Variants in PCSK2 observed in about 807,000 individuals in gnomAD.
PCSK2 encodes the protein neuroendocrine convertase 2.
PCSK2 carries 14 observed loss-of-function variants against 69.7 expected under a neutral mutation model. The ratio of observed to expected loss-of-function variants is 0.20; its 90% CI spans 0.13 to 0.31. The LOEUF is 0.31. PCSK2 is among the 10% of genes least tolerant of loss of function. PCSK2 has a pLI of 1.00. For synonymous variants in PCSK2, 307 were observed against 320.7 expected, an observed-to-expected ratio of 0.96 and a Z score of 0.46; for missense variants, 544 against 842.5, an observed-to-expected ratio of 0.65 and a Z score of 4.39.
intron 10 of PCSK2, among the ~76,000 whole-genome samples, chr20:17,458,310 G>A (rs2032957988): frequency 6.6e-6 from 1 of 152,120 alleles, no homozygotes. Flanking sequence ...AGTTAGGGAT[G>A]GGGAAGAATC....
chr20:17,426,868 C>G (rs144575527), intron 6 of PCSK2, among the ~76,000 whole-genome samples: 1,796 of 152,312 alleles, frequency 0.012, 16 homozygotes, highest in Non-Finnish European at 0.018. Flanking sequence ...GAGTCTCATC[C>G]AAAATACCCT....
intron 1 of PCSK2, among the ~76,000 whole-genome samples, chr20:17,236,349 T>C (rs894838859): frequency 6.6e-6 from 1 of 152,126 alleles, no homozygotes; most frequent in Admixed American, 6.5e-5. Flanking sequence ...GTCTCATATT[T>C]AGGAGTTTGT....
chr20:17,245,495 A>G (rs1260290824), intron 1 of PCSK2, among the ~76,000 whole-genome samples: 1 of 152,184 alleles, frequency 6.6e-6, no homozygotes, highest in Non-Finnish European at 1.5e-5. Flanking sequence ...TCCTTTATTT[A>G]GAAATAACTC....
At chr20:17,252,018 T>C (rs1987001483) in intron 1 of PCSK2, among the ~76,000 whole-genome samples, 1 of 152,270 alleles carries the variant, frequency 6.6e-6, no homozygotes, top group East Asian at 1.9e-4. Context: ...CTGAGAGGAG[T>C]TGGACTTCTT....
At chr20:17,245,939 A>G (rs1236115584) in intron 1 of PCSK2, among the ~76,000 whole-genome samples, 2 of 152,134 alleles carry the variant, frequency 1.3e-5, no homozygotes, top group Admixed American at 6.5e-5. Context: ...GACCCCCAAT[A>G]TATTAAATGT....
intron 2 of PCSK2, among the ~76,000 whole-genome samples, chr20:17,273,611 T>C (rs1282525126): frequency 6.6e-6 from 1 of 152,194 alleles, no homozygotes; most frequent in Admixed American, 6.6e-5. Context: ...ATGAAAAATA[T>C]GGGTGTGAAT....
intron 5 of PCSK2, among the ~76,000 whole-genome samples, chr20:17,370,233 T>A (rs2030717902): frequency 6.6e-6 from 1 of 152,200 alleles, no homozygotes. Context: ...AAGAGACTCA[T>A]ATTTAGAGAA....
In PCSK2 at chr20:17,465,495, G is replaced by A; in HGVS notation, c.1372G>A (p.Asp458Asn). The part of the protein sequence containing the change: ...DAGAMVKMAK[D>N]WKTVPERFHC... ...AGGTGCCATGGTGAAAATGGCTAAA[G>A]ACTGGAAAACCGTGCCTGAGAGATT... The change falls in exon 11 of 12, where the codon GAC becomes AAC. Residue 458 changes from aspartate to asparagine, a missense_variant. Around this residue, in one of 3 missense-constraint regions of PCSK2, gnomAD observed 200 missense variants for 287.8 expected, o/e 0.69. Transcript: ENST00000262545. 1 of 1,613,706 alleles carries A rather than the reference G, an allele frequency of 6.2e-7. No individual in the cohort carries two copies. The highest frequency in any genetic ancestry group is 8.5e-7 in the Non-Finnish European group (1 of 1,179,782).
At chr20:17,411,606 G>A (rs574726820) in intron 6 of PCSK2, among the ~76,000 whole-genome samples, 1 of 152,340 alleles carries the variant, frequency 6.6e-6, no homozygotes, top group Admixed American at 6.5e-5. Context: ...TGGAAAAAAG[G>A]AGCAGAAGCT....
intron 2 of PCSK2, among the ~76,000 whole-genome samples, chr20:17,341,150 G>A (rs1224413052): frequency 6.6e-6 from 1 of 152,216 alleles, no homozygotes; most frequent in South Asian, 2.1e-4. Flanking sequence ...TGAAGCAGCA[G>A]AATCACTTGA....
chr20:17,314,186 GATAA>G (rs1989605167), intron 2 of PCSK2, among the ~76,000 whole-genome samples: 1 of 152,090 alleles, frequency 6.6e-6, no homozygotes, highest in African/African-American at 2.4e-5. Flanking sequence ...CAACTCACTG[GATAA>G]ATGGACCTAC....
chr20:17,335,637 C>T lies in PCSK2; in HGVS notation c.283-22690C>T, dbSNP rs1479793841. On this transcript the variant is annotated intron_variant, in intron 2 of 11. Transcript: ENST00000262545. The stretch of plus-strand genomic sequence containing the variant: ...GTCCCCAGTGTGTAGTCTTTTATCC[C>T]TTGCCCCCTCCCATCCTTCCCCCTA... Among the ~76,000 whole-genome samples, 8 of 152,048 alleles carry T rather than the reference C, an allele frequency of 5.3e-5. No individual in the cohort carries two copies. The South Asian group carries it at 1.7e-3, about 32-fold the overall frequency.
chr20:17,234,163 C>T (rs962562023), intron 1 of PCSK2, among the ~76,000 whole-genome samples: 3 of 152,250 alleles, frequency 2.0e-5, no homozygotes, highest in African/African-American at 7.2e-5. Context: ...GAAGGCAAAC[C>T]GAGCCAGATC....
intron 7 of PCSK2, among the ~76,000 whole-genome samples, chr20:17,432,098 G>T (rs900740139): frequency 6.6e-6 from 1 of 152,130 alleles, no homozygotes; most frequent in African/African-American, 2.4e-5. Flanking sequence ...TTAACCCAGG[G>T]ATTCAAAAAA....
chr20:17,439,193 T>C (rs1005351468), intron 8 of PCSK2, among the ~76,000 whole-genome samples: 68 of 152,250 alleles, frequency 4.5e-4, no homozygotes, highest in Non-Finnish European at 3.8e-4. Context: ...TGGAGTGCAG[T>C]GGCACAATCT....
chr20:17,278,437 G>A (rs565236978), intron 2 of PCSK2, among the ~76,000 whole-genome samples: 41 of 152,252 alleles, frequency 2.7e-4, no homozygotes, highest in Admixed American at 4.6e-4. Context: ...GGATGAAGCT[G>A]GAAACCATCA....
chr20:17,370,475 A>C (rs2030726753), intron 5 of PCSK2, among the ~76,000 whole-genome samples: 1 of 152,236 alleles, frequency 6.6e-6, no homozygotes, highest in African/African-American at 2.4e-5. Flanking sequence ...AAAAACTATT[A>C]AATGAATCAT....
intron 2 of PCSK2, among the ~76,000 whole-genome samples, chr20:17,339,493 T>A (rs1409865946): frequency 1.4e-5 from 2 of 146,912 alleles, no homozygotes; most frequent in Non-Finnish European, 3.0e-5. Context: ...ACAATTAAAA[T>A]GTTTTGGTTG....
chr20:17,413,368 A>AAGG (rs2031922506), intron 6 of PCSK2, among the ~76,000 whole-genome samples: 1 of 152,104 alleles, frequency 6.6e-6, no homozygotes, highest in African/African-American at 2.4e-5. Flanking sequence ...CAAAAAAAAC[A>AAGG]CAAGGGTTGC....
Sources: allele counts gnomAD v4.1 joint callset (sites outside exome capture counted in the v4.1 genomes callset), GRCh38; gene constraint gnomAD v4.1.1; regional missense constraint gnomAD v4.1.1; transcripts MANE v1.5; gene names NCBI Gene and HGNC (gene_info 2026-07-23, HGNC 2026-07-21).